The following ZNF625 variants were observed in gnomAD, a reference collection of about 807,000 sequenced individuals.
ZNF625 encodes zinc finger protein 625.
A neutral mutation model predicts 11.1 loss-of-function variants in ZNF625; 8 were observed. The observed-to-expected ratio is 0.72, with a 90% CI of 0.42 to 1.30. The LOEUF (loss-of-function observed/expected upper bound fraction) is 1.30. ZNF625 is among the 50% of genes most tolerant of loss of function. The pLI is 0.01. For missense variants in ZNF625, 349 were observed against 447.6 expected (o/e 0.78, Z 1.99); for synonymous variants, 145 against 153.4 (o/e 0.95, Z 0.41).
At chr19:12,151,978 A>G (rs1365886577) in intron 1 of ZNF625, among the ~76,000 whole-genome samples, 1 of 152,156 alleles carries the variant, frequency 6.6e-6, no homozygotes, top group Admixed American at 6.5e-5. Flanking sequence ...CACATTCTGT[A>G]GCAACAAGAG....
chr19:12,150,454 C>A (rs993751528), intron 1 of ZNF625, among the ~76,000 whole-genome samples: 1 of 152,166 alleles, frequency 6.6e-6, no homozygotes, highest in African/African-American at 2.4e-5. Context: ...TCTGTTACCC[C>A]TATTCATAAC....
At position 12,146,161 on chromosome 19, in the gene ZNF625, G is replaced by A; in HGVS notation, c.255C>T (p.Thr85=). ...KKDHQHGEIL[T]QVPDDMLKKK... ...TCTTCAGCATGTCATCTGGAACCTG[G>A]GTCAAAATTTCTCCATGCTGATGAT... Residue 85 remains threonine (T), a synonymous_variant, in exon 4 of 4, where the codon ACC becomes ACT. Coordinates refer to ENST00000439556, the MANE Select transcript of ZNF625 (RefSeq NM_145233.4). 6.2e-7 allele frequency: 1 copy of A among 1,614,070 alleles called. No homozygotes were observed. The highest frequency in any genetic ancestry group is 8.5e-7 in the Non-Finnish European group (1 of 1,180,006).
intron 3 of ZNF625, among the ~76,000 whole-genome samples, chr19:12,146,970 A>ATTTTTTTT (rs934558893): frequency 3.1e-5 from 4 of 130,856 alleles, no homozygotes; most frequent in African/African-American, 6.0e-5. Context: ...GTTTTTAGAG[A>ATTTTTTTT]TTTTTTTTTT....
rs901405627 is a variant in ZNF625, at chr19:12,156,699, C to A, written c.-141G>T. 8.7e-6 allele frequency: 7 copies of A among 804,048 alleles called. No individual in the cohort carries two copies. The African/African-American group carries it at 1.2e-4, about 14-fold the overall frequency. The allele number at this position is 804,048 out of a possible 1,614,324, so 49.8% of individuals were successfully genotyped here. On this transcript the variant is annotated 5_prime_UTR_variant, in exon 1 of 4. It adds an upstream start codon to the 5' untranslated region. Transcript: ENST00000439556. ...CCGGAAAACCGAGATCCCGACCTCC[C>A]TTTGGTGCAAGACGCCTGGGAGTCA...
At position 12,150,536 on chromosome 19, in the gene ZNF625, C is replaced by G. The variant is rs375358656; in HGVS notation, c.4-2734G>C. 2.2e-4 allele frequency among the ~76,000 whole-genome samples: 33 copies of G among 152,332 alleles called. 1 individual carries two copies. The highest frequency in any genetic ancestry group is 7.2e-4 in the African/African-American group (30 of 41,576). On this transcript the variant is annotated intron_variant, in intron 1 of 3. Coordinates refer to ENST00000439556, the MANE Select transcript of ZNF625 (RefSeq NM_145233.4). The stretch of plus-strand genomic sequence containing the variant: ...TCCTCTCCCTCAATTTACCCTTGAA[C>G]TATAGGTTCAATACTGTTGTTGCTG...
At chr19:12,154,850 T>G (rs1041360748) in intron 1 of ZNF625, among the ~76,000 whole-genome samples, 1 of 152,050 alleles carries the variant, frequency 6.6e-6, no homozygotes. Flanking sequence ...GTAAGGGAGA[T>G]CAGACACTCC....
intron 1 of ZNF625, among the ~76,000 whole-genome samples, 179 bp from the exon 2 acceptor site, chr19:12,147,981 AATTATT>A: frequency 6.6e-6 from 1 of 151,580 alleles, no homozygotes; most frequent in Non-Finnish European, 1.5e-5. Flanking sequence ...CTTTTTTTTT[AATTATT>A]ATTATTTTTT....
At chr19:12,151,546 A>T (rs1976956209) in intron 1 of ZNF625, among the ~76,000 whole-genome samples, 2 of 151,616 alleles carry the variant, frequency 1.3e-5, no homozygotes. Flanking sequence ...CGCCCGGCTA[A>T]TTTTTTGTAT....
At chr19:12,156,312 C>T (rs1474015673) in intron 1 of ZNF625, among the ~76,000 whole-genome samples, 1 of 152,166 alleles carries the variant, frequency 6.6e-6, no homozygotes, top group African/African-American at 2.4e-5. Flanking sequence ...GAGAGGGCTC[C>T]GGGGCCGGGG....
chr19:12,151,985 A>G (rs1976962794), intron 1 of ZNF625, among the ~76,000 whole-genome samples: 1 of 152,178 alleles, frequency 6.6e-6, no homozygotes, highest in Non-Finnish European at 1.5e-5. Flanking sequence ...TGTAGCAACA[A>G]GAGGGTGAGG....
In ZNF625 at chr19:12,156,583, C is replaced by A; in HGVS notation, c.-25G>T. On this transcript the variant is annotated 5_prime_UTR_variant, in exon 1 of 4. In the 5' UTR this introduces an upstream ATG that the reference lacks. Coordinates refer to ENST00000439556, the MANE Select transcript of ZNF625 (RefSeq NM_145233.4). ...TTTCCCGGCTTCCAGGTGTCCTGGC[C>A]TCCTCTCCACGGATCCCTCTAACAG... The A allele has an allele frequency of 7.2e-7, 1 of 1,380,780 alleles. No homozygotes were observed. The highest frequency in any genetic ancestry group is 9.4e-7 in the Non-Finnish European group (1 of 1,065,964). 85.5% of individuals were successfully genotyped at this position (1,380,780 alleles called of 1,614,324 possible).
intron 1 of ZNF625, among the ~76,000 whole-genome samples, chr19:12,151,476 G>C (rs1297272176): frequency 6.6e-6 from 1 of 151,636 alleles, no homozygotes; most frequent in Non-Finnish European, 1.5e-5. Flanking sequence ...TGCCTCCTGG[G>C]TTAACGCCTT....
intron 1 of ZNF625, among the ~76,000 whole-genome samples, chr19:12,149,786 C>G (rs1273209925): frequency 6.6e-6 from 1 of 151,666 alleles, no homozygotes; most frequent in African/African-American, 2.4e-5. Context: ...GTTGCCCAGG[C>G]TGGAGTGCAA....
At chr19:12,148,113 G>C (rs1019438546) in intron 1 of ZNF625, among the ~76,000 whole-genome samples, 4 of 152,126 alleles carry the variant, frequency 2.6e-5, no homozygotes, top group Admixed American at 1.3e-4. Context: ...CCAAGTAGCT[G>C]AGATTATAGG....
chr19:12,152,466 A>G (rs1976969051), intron 1 of ZNF625, among the ~76,000 whole-genome samples: 1 of 152,172 alleles, frequency 6.6e-6, no homozygotes, highest in Non-Finnish European at 1.5e-5. Context: ...ACACCATAAT[A>G]GTATAGGATC....
At chr19:12,150,426 C>T (rs763542815) in intron 1 of ZNF625, among the ~76,000 whole-genome samples, 4 of 152,166 alleles carry the variant, frequency 2.6e-5, no homozygotes, top group South Asian at 2.1e-4. Flanking sequence ...CCCCTCCAAA[C>T]GTGATACCCA....
chr19:12,153,380 G>A (rs981140524), intron 1 of ZNF625, among the ~76,000 whole-genome samples: 10 of 150,200 alleles, frequency 6.7e-5, no homozygotes, highest in Non-Finnish European at 1.3e-4. Context: ...AAGCCCTCCA[G>A]ATTTATAGTA....
Position 12,145,884 on chromosome 19 carries a change from T to G in ZNF625, c.532A>C (p.Ile178Leu). ...CTGTGCATTATCCTGTGTCTTCGAATGCTTGAACGGGAAATAAAGCTTTTT... is the reference window on the plus strand; with the variant it reads ...CTGTGCATTATCCTGTGTCTTCGAAGGCTTGAACGGGAAATAAAGCTTTTT... ...CGKSFISRSS[I>L]RRHRIMHSGD... Residue 178 changes from isoleucine (I) to leucine (L), a missense_variant, in exon 4 of 4, where the codon ATT (isoleucine) becomes CTT (leucine). By Grantham distance (5) the Ile-to-Leu change is conservative (BLOSUM62 2). Transcript: ENST00000439556. 2 of 1,614,190 alleles carry G rather than the reference T, an allele frequency of 1.2e-6. No homozygotes were observed. Among genetic ancestry groups the G allele is most frequent in the Non-Finnish European group, 1.7e-6 (2 of 1,180,020 alleles).
rs775639727 is a variant in ZNF625, at chr19:12,145,575, C to T, written c.841G>A (p.Gly281Arg). Reference sequence around the variant, plus strand: ...GAATTGAAAGAAACAAAGGCTTTCCCACACTGTTTACATTCATACGGCTTC... The same window carrying T: ...GAATTGAAAGAAACAAAGGCTTTCCTACACTGTTTACATTCATACGGCTTC... ...GEKPYECKQC[G>R]KAFVSFNSVR... Residue 281 changes from glycine to arginine, a missense_variant, in exon 4 of 4, where the codon GGG (glycine) becomes AGG (arginine). Physicochemically the swap from Gly to Arg is moderately radical, Grantham distance 125. Transcript: ENST00000439556. 9.9e-6 allele frequency: 16 copies of T among 1,610,116 alleles called. No individual in the cohort carries two copies. Among genetic ancestry groups the T allele is most frequent in the Non-Finnish European group, 1.4e-5 (16 of 1,176,568 alleles).
Sources: allele counts gnomAD v4.1 joint callset (sites outside exome capture counted in the v4.1 genomes callset), GRCh38; gene constraint gnomAD v4.1.1; transcripts MANE v1.5; gene names NCBI Gene and HGNC (gene_info 2026-07-23, HGNC 2026-07-21).